Variants in KLHL2 observed in about 807,000 individuals in gnomAD.
KLHL2 encodes kelch-like protein 2.
Under a neutral mutation model 75.8 loss-of-function variants are expected in KLHL2, and 15 were observed. The observed-to-expected ratio is 0.20, with a 90% confidence interval of 0.13 to 0.30. The LOEUF is 0.30. KLHL2 is among the 10% of genes least tolerant of loss of function. The pLI is 1.00. For synonymous variants in KLHL2, 214 were observed against 251.9 expected (o/e 0.85, Z 1.42); for missense variants, 381 against 741.0 (o/e 0.51, Z 5.64).
Position 165,207,761 on chromosome 4 carries a change from C to T in KLHL2, c.-116C>T. On this transcript the variant is annotated 5_prime_UTR_variant, in exon 1 of 15. Coordinates refer to ENST00000226725, the MANE Select transcript of KLHL2 (RefSeq NM_007246.4). This position sits in a 1 kb window ranked among gnomAD's most constrained non-coding sequence, Gnocchi z 4.2. Reference sequence around the variant, plus strand: ...GCGCGCGGTGAGGAGAGCGCGGCGCCCCCTCCGGGGCGGATGGAACGCGGC... The same window carrying T: ...GCGCGCGGTGAGGAGAGCGCGGCGCTCCCTCCGGGGCGGATGGAACGCGGC... 2 of 836,184 alleles carry T rather than the reference C, an allele frequency of 2.4e-6. No homozygotes were observed. Among genetic ancestry groups the T allele is most frequent in the East Asian group, 4.5e-5 (1 of 22,092 alleles). The allele number at this position is 836,184 out of a possible 1,614,324, so 51.8% of individuals were successfully genotyped here.
chr4:165,299,014 C>T (rs1031198579), intron 7 of KLHL2, among the ~76,000 whole-genome samples: 1 of 141,600 alleles, frequency 7.1e-6, no homozygotes, highest in African/African-American at 2.6e-5. Flanking sequence ...CTAGGCAGTA[C>T]AAGATTTATT....
chr4:165,288,345 TGAAA>T lies in KLHL2; in HGVS notation c.545-6011_545-6008del, dbSNP rs200866528. On this transcript the variant is annotated intron_variant, in intron 5 of 14. Coordinates refer to ENST00000226725, the MANE Select transcript of KLHL2 (RefSeq NM_007246.4). ...TTAAAAATATTTGAACGGTATACAT[TGAAA>T]GAGTCATCCTTTCACCCTTGTTCCT... 8.0e-3 allele frequency among the ~76,000 whole-genome samples: 1,220 copies of T among 152,232 alleles called. 19 individuals carry two copies. The highest frequency in any genetic ancestry group is 0.027 in the African/African-American group (1,141 of 41,554).
In KLHL2 at chr4:165,259,550, A is replaced by G. The variant is rs1304342027; in HGVS notation, c.382-3647A>G. ...TGTGTGACCTTTAGCAAGTTACCCA[A>G]CTTCTCCTACCCTCTGTATTCGCTT... On this transcript the variant is annotated intron_variant, in intron 4 of 14. Coordinates refer to ENST00000226725, the MANE Select transcript of KLHL2 (RefSeq NM_007246.4). 3.3e-5 allele frequency among the ~76,000 whole-genome samples: 5 copies of G among 152,194 alleles called. No homozygotes were observed. The South Asian group carries it at 6.2e-4, about 19-fold the overall frequency.
At position 165,311,809 on chromosome 4, in the gene KLHL2, C is replaced by CTGTGTGTGTGTG. The variant is rs60870309; in HGVS notation, c.1339+270_1339+281dup. Among the ~76,000 whole-genome samples the CTGTGTGTGTGTG allele has an allele frequency of 5.1e-3, 736 of 144,862 alleles. 6 individuals carry two copies. The highest frequency in any genetic ancestry group is 0.011 in the Middle Eastern group (3 of 276). On this transcript the variant is annotated intron_variant, in intron 11 of 14. Transcript: ENST00000226725. ...TCCCTTTATCCCTCCTCCTTTCTCTCTGTGTGTGTGTGTGTGTGTGTGTGT... is the reference window on the plus strand; with the variant it reads ...TCCCTTTATCCCTCCTCCTTTCTCTCTGTGTGTGTGTGTGTGTGTGTGTGTGTGTGTGTGTGT...
intron 9 of KLHL2, among the ~76,000 whole-genome samples, chr4:165,310,181 T>C (rs902195600): frequency 2.2e-4 from 34 of 151,910 alleles, no homozygotes; most frequent in Admixed American, 5.9e-4. Context: ...AAAAATTAGT[T>C]GGGTGTGGTG....
Position 165,294,326 on chromosome 4 carries a change from T to C in KLHL2, c.545-33T>C, listed in dbSNP as rs577263304. On this transcript the variant is annotated intron_variant, in intron 5 of 14. Transcript: ENST00000226725. ...TGAAACTATGATAATGGAATGTTGA[T>C]GTTAGTGGATTTTCTTTTTAATTCC... 412 of 1,166,206 alleles carry C rather than the reference T, an allele frequency of 3.5e-4. 4 individuals carry two copies. In the South Asian group the frequency reaches 4.8e-3, roughly 14 times the overall value. 72.2% of individuals were successfully genotyped at this position (1,166,206 alleles called of 1,614,324 possible).
At chr4:165,250,064 C>T (rs1327067228) in intron 4 of KLHL2, among the ~76,000 whole-genome samples, 6 of 151,272 alleles carry the variant, frequency 4.0e-5, no homozygotes, top group African/African-American at 1.5e-4. Context: ...GCGGAGCTTG[C>T]AGTAAGCCGA....
At chr4:165,316,539 A>G (rs1746603002) in intron 13 of KLHL2, among the ~76,000 whole-genome samples, 1 of 152,228 alleles carries the variant, frequency 6.6e-6, no homozygotes, top group Non-Finnish European at 1.5e-5. Context: ...ATAAGTTCAT[A>G]GTAGCACTGA....
intron 5 of KLHL2, among the ~76,000 whole-genome samples, chr4:165,264,721 C>CATAT (rs1187856274): frequency 0.021 from 1,483 of 70,868 alleles, 134 homozygotes; most frequent in East Asian, 0.041. Context: ...TATATATATA[C>CATAT]ATATATATAT....
chr4:165,249,949 C>T (rs1740561696), intron 4 of KLHL2, among the ~76,000 whole-genome samples: 1 of 151,944 alleles, frequency 6.6e-6, no homozygotes, highest in South Asian at 2.1e-4. Flanking sequence ...ACGGTGAAAC[C>T]CCGTCTCTAC....
chr4:165,215,374 G>C (rs1737471246), intron 1 of KLHL2, among the ~76,000 whole-genome samples: 2 of 152,180 alleles, frequency 1.3e-5, no homozygotes, highest in African/African-American at 2.4e-5. Flanking sequence ...TCCTGGATTT[G>C]TTTATGAGAG....
Position 165,207,828 on chromosome 4 carries a change from C to G in KLHL2, c.-49C>G. On this transcript the variant is annotated 5_prime_UTR_variant, in exon 1 of 15. Coordinates refer to ENST00000226725, the MANE Select transcript of KLHL2 (RefSeq NM_007246.4). The surrounding 1 kb of genome is among the most constrained non-coding windows in gnomAD (Gnocchi z 4.2). ...GCCGGCGTCCGCGGCTGGAATGGTG[C>G]TGGCTGTGTTGGTCGGTGCCTGCGT... 7.0e-7 allele frequency: 1 copy of G among 1,430,734 alleles called. No individual in the cohort carries two copies. The highest frequency in any genetic ancestry group is 9.2e-7 in the Non-Finnish European group (1 of 1,081,830). 88.6% of individuals were successfully genotyped at this position (1,430,734 alleles called of 1,614,324 possible). A position where few individuals can be genotyped will look rare whatever the true frequency, so the allele number is the denominator to read the frequency against.
rs1192513217 is a variant in KLHL2 at position 165,218,846 on chromosome 4, T to C, written c.27-1088T>C. On this transcript the variant is annotated intron_variant, in intron 1 of 14. Transcript: ENST00000226725. ...TGATGTTTGCTTGTTCTTTGATATA[T>C]ATACAAGTATGATATTTTTAGACTT... 3.9e-5 allele frequency among the ~76,000 whole-genome samples: 6 copies of C among 152,380 alleles called. No homozygotes were observed. In the East Asian group the frequency reaches 9.6e-4, roughly 24 times the overall value.
At position 165,311,483 on chromosome 4, in the gene KLHL2, A is replaced by G. The variant is rs1313526253; in HGVS notation, c.1257A>G (p.Ala419=). Residue 419 remains alanine, a synonymous_variant, in exon 11 of 15, where the codon GCA becomes GCG. Transcript: ENST00000226725. ...DGSTGLSSVE[A]YNIKSNEWFH... is the part of the protein sequence containing the mutation. ...TTATAGGTTTGTCATCTGTGGAAGC[A>G]TACAACATAAAGTCTAATGAGTGGT... 4.2e-5 allele frequency: 67 copies of G among 1,612,848 alleles called. No individual in the cohort carries two copies. Among genetic ancestry groups the G allele is most frequent in the Non-Finnish European group, 5.7e-5 (67 of 1,179,108 alleles).
chr4:165,319,225 GTCTCTTCAGCGATGCGTA>G lies in KLHL2; in HGVS notation c.1753+1261_1753+1278del, dbSNP rs1185583932. ...CTAATTACCTTTGAAAGAGCAGTTT[GTCTCTTCAGCGATGCGTA>G]TCTCAGTAAAAAGTTCTCTCTCATG... On this transcript the variant is annotated intron_variant, in intron 14 of 14. Coordinates refer to ENST00000226725, the MANE Select transcript of KLHL2 (RefSeq NM_007246.4). The surrounding 1 kb of genome is among the most constrained non-coding windows in gnomAD (Gnocchi z 4.5). Among the ~76,000 whole-genome samples, 5 of 152,196 alleles carry G rather than the reference GTCTCTTCAGCGATGCGTA, an allele frequency of 3.3e-5. No individual in the cohort carries two copies. Among genetic ancestry groups the G allele is most frequent in the African/African-American group, 1.2e-4 (5 of 41,452 alleles).
At chr4:165,241,673 TTGTGCCGTA>T (rs1341271170) in intron 4 of KLHL2, among the ~76,000 whole-genome samples, 1 of 152,218 alleles carries the variant, frequency 6.6e-6, no homozygotes, top group Non-Finnish European at 1.5e-5. Flanking sequence ...TGCAGAATCA[TTGTGCCGTA>T]GAATGCTGAG....
chr4:165,297,761 C>A, intron 7 of KLHL2, 36 bp downstream of exon 7: 1 of 1,174,922 alleles, frequency 8.5e-7, no homozygotes, highest in Non-Finnish European at 1.3e-6. Context: ...ATCCACACAG[C>A]ACTGTGTCAC....
intron 1 of KLHL2, among the ~76,000 whole-genome samples, chr4:165,214,197 C>G (rs1232978096): frequency 6.6e-6 from 1 of 152,070 alleles, no homozygotes; most frequent in Non-Finnish European, 1.5e-5. Context: ...ATTGCCGCCC[C>G]CTTACCAACG....
chr4:165,306,048 C>T (rs934506310), intron 9 of KLHL2, among the ~76,000 whole-genome samples: 2 of 152,134 alleles, frequency 1.3e-5, no homozygotes, highest in African/African-American at 4.8e-5. Flanking sequence ...TAGGAGATTC[C>T]CTCAGCTATA....
Sources: allele counts gnomAD v4.1 joint callset (sites outside exome capture counted in the v4.1 genomes callset), GRCh38; gene constraint gnomAD v4.1.1; non-coding constraint Gnocchi (gnomAD v3.1); transcripts MANE v1.5; gene names NCBI Gene and HGNC (gene_info 2026-07-23, HGNC 2026-07-21).